The following VAT1L variants were observed in gnomAD, a reference collection of about 807,000 sequenced individuals.
The protein encoded by VAT1L is vesicle amine transport 1 like.
VAT1L carries 34 observed loss-of-function variants against 44.1 expected under a neutral mutation model. The ratio of observed to expected loss-of-function variants is 0.77; its 90% confidence interval spans 0.59 to 1.03. The LOEUF is 1.03. Among genes scored for constraint, VAT1L ranks in the 50% least tolerant of loss-of-function variants. The pLI, the probability that VAT1L is intolerant of heterozygous loss-of-function variation, is 0.00. For synonymous variants in VAT1L, 253 were observed against 202.2 expected, an observed-to-expected ratio of 1.25 and a Z score of -2.13; for missense variants, 615 against 538.8, an observed-to-expected ratio of 1.14 and a Z score of -1.40.
intron 2 of VAT1L, among the ~76,000 whole-genome samples, chr16:77,823,329 C>G (rs1365470812): frequency 1.3e-5 from 2 of 152,074 alleles, no homozygotes; most frequent in South Asian, 2.1e-4. Flanking sequence ...AAATATTATC[C>G]CTTCCAAGTA....
At chr16:77,792,376 T>G (rs1229002652) in intron 1 of VAT1L, among the ~76,000 whole-genome samples, 2 of 152,134 alleles carry the variant, frequency 1.3e-5, no homozygotes, top group African/African-American at 4.8e-5. Context: ...TCTGGCTCCT[T>G]GGAGGCAGAA....
Position 77,876,405 on chromosome 16 carries a change from G to T in VAT1L, c.758G>T (p.Cys253Phe). 2 of 1,614,170 alleles carry T rather than the reference G, an allele frequency of 1.2e-6. No individual in the cohort carries two copies. Among genetic ancestry groups the T allele is most frequent in the Non-Finnish European group, 1.7e-6 (2 of 1,180,032 alleles). The part of the protein sequence containing the change: ...SAEGVDIVLD[C>F]LCGDNTGKGL... Reference sequence around the variant, plus strand: ...GAAGGTGTGGACATCGTTTTGGATTGCCTCTGTGGGGACAACACTGGAAAA... The same window carrying T: ...GAAGGTGTGGACATCGTTTTGGATTTCCTCTGTGGGGACAACACTGGAAAA... Residue 253 changes from cysteine (C) to phenylalanine (F), a missense_variant, in exon 5 of 9, where the codon TGC becomes TTC. Physicochemically the swap from Cys to Phe is radical, Grantham distance 205 (BLOSUM62 -2). Coordinates refer to ENST00000302536, the MANE Select transcript of VAT1L (RefSeq NM_020927.3).
intron 3 of VAT1L, among the ~76,000 whole-genome samples, chr16:77,850,722 T>C (rs930154950): frequency 6.6e-6 from 1 of 152,124 alleles, no homozygotes; most frequent in African/African-American, 2.4e-5. Context: ...GTGCAAATTG[T>C]AATTTGGCTG....
At position 77,819,672 on chromosome 16, in the gene VAT1L, C is replaced by T. The variant is rs1227866897; in HGVS notation, c.363+2622C>T. On this transcript the variant is annotated intron_variant, in intron 2 of 8. Coordinates refer to ENST00000302536, the MANE Select transcript of VAT1L (RefSeq NM_020927.3). The stretch of plus-strand genomic sequence containing the variant: ...TGCTGGGATTACAGGCATGAGCCAC[C>T]GCGCCCAGCCTGAAGATGATATTCT... Among the ~76,000 whole-genome samples the T allele has an allele frequency of 4.6e-5, 7 of 152,292 alleles. No homozygotes were observed. In the East Asian group the frequency reaches 5.8e-4, roughly 13 times the overall value.
chr16:77,844,016 T>C (rs2016733189), intron 3 of VAT1L, among the ~76,000 whole-genome samples: 1 of 152,104 alleles, frequency 6.6e-6, no homozygotes, highest in Admixed American at 6.5e-5. Context: ...TGGAATACAA[T>C]GGCAAACAAA....
chr16:77,975,085 A>G (rs2018321684), intron 8 of VAT1L, among the ~76,000 whole-genome samples: 1 of 151,572 alleles, frequency 6.6e-6, no homozygotes, highest in Non-Finnish European at 1.5e-5. Context: ...ACAGAAGAGG[A>G]AACAACTCAA....
intron 3 of VAT1L, among the ~76,000 whole-genome samples, chr16:77,859,959 T>C (rs1014187707): frequency 3.3e-5 from 5 of 151,834 alleles, no homozygotes; most frequent in Non-Finnish European, 7.4e-5. Context: ...ACAAAGGCAA[T>C]CGAGTTAAAT....
chr16:77,881,414 GATTATAAATGGCT>G (rs1359537430), intron 6 of VAT1L, among the ~76,000 whole-genome samples: 5 of 152,164 alleles, frequency 3.3e-5, no homozygotes, highest in East Asian at 3.9e-4. Flanking sequence ...TAATTAACAT[GATTATAAATGGCT>G]ATTAAACCTC....
At chr16:77,790,984 T>C (rs2015824590) in intron 1 of VAT1L, among the ~76,000 whole-genome samples, 2 of 152,174 alleles carry the variant, frequency 1.3e-5, no homozygotes, top group Non-Finnish European at 2.9e-5. Context: ...CCGACCCTAG[T>C]TGTTCAGAAA....
At chr16:77,866,083 C>T (rs114341142) in intron 4 of VAT1L, among the ~76,000 whole-genome samples, 231 of 152,258 alleles carry the variant, frequency 1.5e-3, no homozygotes, top group African/African-American at 5.3e-3. Flanking sequence ...ACTCAGAATG[C>T]CCAGGAAGTT....
intron 7 of VAT1L, among the ~76,000 whole-genome samples, chr16:77,948,183 T>A (rs567825714): frequency 1.3e-5 from 2 of 152,228 alleles, no homozygotes; most frequent in African/African-American, 2.4e-5. Flanking sequence ...TCTGTTGGAA[T>A]TGACTGTCTC....
Position 77,979,769 on chromosome 16 carries a change from A to G in VAT1L, c.*2074A>G, listed in dbSNP as rs988205056. The G allele has an allele frequency of 1.3e-5, 2 of 152,590 alleles. No homozygotes were observed. The highest frequency in any genetic ancestry group is 2.1e-4 in the South Asian group (1 of 4,828). The allele number at this position is 152,590 out of a possible 1,614,324, so 9.5% of individuals were successfully genotyped here. On this transcript the variant is annotated 3_prime_UTR_variant, in exon 9 of 9. Transcript: ENST00000302536. ...CAAATTACTCCAGATGGTTAAAGAA[A>G]ACCCTTTCAGAATACAGAACGAGAA...
intron 1 of VAT1L, among the ~76,000 whole-genome samples, chr16:77,798,345 A>C (rs1335977328): frequency 1.3e-5 from 2 of 152,228 alleles, no homozygotes; most frequent in Non-Finnish European, 2.9e-5. Context: ...CTTGAATTCA[A>C]ATCCTAGCTC....
chr16:77,923,014 T>C (rs1300509776), intron 7 of VAT1L, among the ~76,000 whole-genome samples: 2 of 152,180 alleles, frequency 1.3e-5, no homozygotes, highest in Non-Finnish European at 2.9e-5. Context: ...TTGCAGCCTG[T>C]TAAAAGTCAG....
intron 1 of VAT1L, among the ~76,000 whole-genome samples, chr16:77,811,576 T>C (rs1191700458): frequency 6.6e-6 from 1 of 152,172 alleles, no homozygotes; most frequent in Non-Finnish European, 1.5e-5. Flanking sequence ...TATATAACCT[T>C]GGACAAGGTA....
chr16:77,795,229 C>T (rs2015906304), intron 1 of VAT1L, among the ~76,000 whole-genome samples: 1 of 148,474 alleles, frequency 6.7e-6, no homozygotes, highest in Admixed American at 6.8e-5. Context: ...TTAATAGCCA[C>T]CAAAGAATAA....
intron 4 of VAT1L, among the ~76,000 whole-genome samples, chr16:77,870,955 G>A (rs376804623): frequency 7.2e-5 from 11 of 152,244 alleles, no homozygotes; most frequent in African/African-American, 2.6e-4. Context: ...TCAGTCCCAA[G>A]GCTGCTCATG....
At position 77,805,865 on chromosome 16, in the gene VAT1L, C is replaced by CTTTTTTTTTT. The variant is rs10689119; in HGVS notation, c.234-11050_234-11041dup. Reference sequence around the variant, plus strand: ...GTGTTATTTTTTCCTTAGTCTCTGCCTTTTTTTTTTTTTTTGAGATGGAGT... The same window carrying CTTTTTTTTTT: ...GTGTTATTTTTTCCTTAGTCTCTGCCTTTTTTTTTTTTTTTTTTTTTTTTTGAGATGGAGT... On this transcript the variant is annotated intron_variant, in intron 1 of 8. Coordinates refer to ENST00000302536, the MANE Select transcript of VAT1L (RefSeq NM_020927.3). 2.3e-3 allele frequency among the ~76,000 whole-genome samples: 181 copies of CTTTTTTTTTT among 78,832 alleles called. 22 individuals are homozygous for CTTTTTTTTTT. Among genetic ancestry groups the CTTTTTTTTTT allele is most frequent in the Non-Finnish European group, 3.3e-3 (119 of 35,806 alleles). 51.7% of individuals were successfully genotyped at this position (78,832 alleles called of 152,430 possible).
intron 3 of VAT1L, among the ~76,000 whole-genome samples, chr16:77,843,296 CA>C (rs1247318329): frequency 9.2e-5 from 14 of 151,916 alleles, no homozygotes; most frequent in Non-Finnish European, 7.4e-5. Flanking sequence ...AGTGGGAGGG[CA>C]GGGGTGAAGC....
Sources: gnomAD v4.1 joint callset for allele counts (sites outside exome capture counted in the v4.1 genomes callset) on GRCh38, gnomAD v4.1.1 for gene constraint, MANE v1.5 for transcripts, NCBI Gene and HGNC (gene_info 2026-07-23, HGNC 2026-07-21) for gene names.